The following RNF216 variants were observed in gnomAD, a reference collection of about 807,000 sequenced individuals.
The protein encoded by RNF216 is ring finger protein 216.
A neutral mutation model predicts 110.8 loss-of-function variants in RNF216; 72 were observed. The ratio of observed to expected loss-of-function variants is 0.65; its 90% CI spans 0.54 to 0.79. The LOEUF is 0.79. Among genes scored for constraint, RNF216 ranks in the 30% least tolerant of loss-of-function variants. RNF216 has a pLI of 0.00. For synonymous variants in RNF216, 495 were observed against 407.5 expected (o/e 1.21, Z -2.59); for missense variants, 1,342 against 1,141.2 (o/e 1.18, Z -2.54).
chr7:5,627,413 C>A (rs966798109), intron 15 of RNF216, among the ~76,000 whole-genome samples: 4 of 152,160 alleles, frequency 2.6e-5, no homozygotes, highest in African/African-American at 9.7e-5. Context: ...CCAACGGGCA[C>A]CTCTCTCTGA....
intron 15 of RNF216, among the ~76,000 whole-genome samples, chr7:5,628,317 A>C (rs1336320072): frequency 6.6e-6 from 1 of 152,166 alleles, no homozygotes; most frequent in Non-Finnish European, 1.5e-5. Flanking sequence ...CTCAGCTACA[A>C]TGACCTACAA....
intron 14 of RNF216, among the ~76,000 whole-genome samples, chr7:5,647,328 C>CTTTTTTTT (rs10617479): frequency 1.2e-3 from 115 of 94,724 alleles, no homozygotes; most frequent in Middle Eastern, 6.8e-3. Flanking sequence ...TTCTTTCTTT[C>CTTTTTTTT]TTTTTTTTTT....
intron 7 of RNF216, among the ~76,000 whole-genome samples, chr7:5,727,544 T>C (rs1793835368): frequency 1.3e-5 from 2 of 152,020 alleles, no homozygotes; most frequent in African/African-American, 4.8e-5. Flanking sequence ...CTGCACAATC[T>C]AGCAAGACCC....
At chr7:5,623,466 T>A (rs901653089) in intron 16 of RNF216, among the ~76,000 whole-genome samples, 1 of 123,916 alleles carries the variant, frequency 8.1e-6, no homozygotes, top group Non-Finnish European at 1.8e-5. Context: ...ACTCAGTTAC[T>A]TTTTTTTTTT....
intron 14 of RNF216, among the ~76,000 whole-genome samples, chr7:5,643,797 C>A (rs1054404536): frequency 6.6e-6 from 1 of 152,030 alleles, no homozygotes; most frequent in Non-Finnish European, 1.5e-5. Context: ...CTTTTATAAC[C>A]CCAAAAGGAA....
intron 13 of RNF216, among the ~76,000 whole-genome samples, chr7:5,674,961 C>A (rs1404052815): frequency 2.0e-5 from 3 of 152,120 alleles, no homozygotes; most frequent in Non-Finnish European, 4.4e-5. Flanking sequence ...CGCGCCACTG[C>A]ACTCCAGCCT....
chr7:5,729,575 CAA>C lies in RNF216; in HGVS notation c.1244_1245del (p.Phe415Ter), dbSNP rs751921699. 6.2e-7 allele frequency: 1 copy of C among 1,613,250 alleles called. No homozygotes were observed. Among genetic ancestry groups the C allele is most frequent in the Non-Finnish European group, 8.5e-7 (1 of 1,179,736 alleles). ...DETKLPKIDFFDYSKLTPLDQ... is the reference protein window; with the variant it reads ...DETKLPKIDFXDYSKLTPLDQ... ...TCAAGAGGGGTCAATTTAGAATAGT[CAA>C]AAAAGTCTATTTTAGGCAACTGAAA... On this transcript the variant is annotated frameshift_variant, in exon 7 of 17. Transcript: ENST00000389902. LOFTEE classifies it high-confidence loss of function.
chr7:5,749,715 C>T (rs919790646), intron 3 of RNF216, among the ~76,000 whole-genome samples: 15 of 152,172 alleles, frequency 9.9e-5, no homozygotes, highest in African/African-American at 3.6e-4. Flanking sequence ...GATGTATATG[C>T]GAAAAATGAA....
chr7:5,667,465 G>T (rs1467814011), intron 13 of RNF216, among the ~76,000 whole-genome samples: 2 of 152,222 alleles, frequency 1.3e-5, no homozygotes, highest in African/African-American at 4.8e-5. Flanking sequence ...AGTTACCCTG[G>T]AGGTGACTCT....
chr7:5,643,016 G>A (rs1787835614), intron 14 of RNF216, among the ~76,000 whole-genome samples: 1 of 152,056 alleles, frequency 6.6e-6, no homozygotes, highest in Admixed American at 6.6e-5. Context: ...TGGAAAGAGG[G>A]TCTATTTGCT....
chr7:5,692,019 G>A (rs1186841341), intron 13 of RNF216, among the ~76,000 whole-genome samples: 2 of 152,186 alleles, frequency 1.3e-5, no homozygotes, highest in East Asian at 1.9e-4. Context: ...AAATCTCCAT[G>A]TTTTCAAGGA....
intron 16 of RNF216, 60 bp downstream of exon 16, chr7:5,623,993 CCAG>C (rs1174324959): frequency 2.1e-6 from 3 of 1,439,926 alleles, no homozygotes; most frequent in South Asian, 1.2e-5. Flanking sequence ...CTCAGGGAGG[CCAG>C]CAGAAGCCTG....
rs188579870 is a variant in RNF216, at chr7:5,671,243, T to A, written c.2062-18733A>T. Reference sequence around the variant, plus strand: ...GGGGACCCAGCTGCTCATGCCTGAATAGACTTGCCTTTGGCTCATCTCTAA... The same window carrying A: ...GGGGACCCAGCTGCTCATGCCTGAAAAGACTTGCCTTTGGCTCATCTCTAA... On this transcript the variant is annotated intron_variant, in intron 13 of 16. Coordinates refer to ENST00000389902, the MANE Select transcript of RNF216 (RefSeq NM_207111.4). Among the ~76,000 whole-genome samples, 3 of 152,330 alleles carry A rather than the reference T, an allele frequency of 2.0e-5. No homozygotes were observed. In the East Asian group the frequency reaches 5.8e-4, roughly 29 times the overall value.
intron 14 of RNF216, among the ~76,000 whole-genome samples, chr7:5,650,980 C>A (rs1309989283): frequency 6.6e-6 from 1 of 152,168 alleles, no homozygotes; most frequent in Non-Finnish European, 1.5e-5. Flanking sequence ...TAAAGTCACC[C>A]AACTACAGGC....
intron 13 of RNF216, among the ~76,000 whole-genome samples, chr7:5,668,039 T>C (rs1219955008): frequency 6.6e-6 from 1 of 152,166 alleles, no homozygotes; most frequent in Non-Finnish European, 1.5e-5. Context: ...GTAATTCATG[T>C]ATCCAGGGAC....
chr7:5,746,851 T>C (rs1009813602), intron 3 of RNF216, among the ~76,000 whole-genome samples: 2 of 152,172 alleles, frequency 1.3e-5, no homozygotes, highest in Non-Finnish European at 2.9e-5. Flanking sequence ...AGAGTGTTCA[T>C]CCAAGAAATT....
At chr7:5,749,870 G>T (rs937475765) in intron 3 of RNF216, among the ~76,000 whole-genome samples, 4 of 152,128 alleles carry the variant, frequency 2.6e-5, no homozygotes, top group Non-Finnish European at 4.4e-5. Context: ...GATAAAAGAA[G>T]AATCATGGGT....
At chr7:5,699,396 G>A (rs1340231248) in intron 13 of RNF216, among the ~76,000 whole-genome samples, 1 of 152,118 alleles carries the variant, frequency 6.6e-6, no homozygotes, top group Non-Finnish European at 1.5e-5. Flanking sequence ...AGCAGATAAG[G>A]AGTAAAAAGC....
chr7:5,709,497 A>T (rs1231411834), intron 13 of RNF216, among the ~76,000 whole-genome samples: 1 of 152,162 alleles, frequency 6.6e-6, no homozygotes, highest in Non-Finnish European at 1.5e-5. Context: ...TGTCATCTTG[A>T]CACTACCCCA....
Sources: allele counts gnomAD v4.1 joint callset (sites outside exome capture counted in the v4.1 genomes callset), GRCh38; gene constraint gnomAD v4.1.1; transcripts MANE v1.5; gene names NCBI Gene and HGNC (gene_info 2026-07-23, HGNC 2026-07-21).